The following TNKS variants were observed in gnomAD, a reference collection of about 807,000 sequenced individuals.
TNKS encodes tankyrase.
A neutral mutation model predicts 135.8 loss-of-function variants in TNKS; 72 were observed. The observed-to-expected ratio is 0.53, with a 90% CI of 0.44 to 0.64. The LOEUF (loss-of-function observed/expected upper bound fraction) is 0.64, where lower values mean the gene tolerates loss of function less well. Among genes scored for constraint, TNKS ranks in the 30% least tolerant of loss-of-function variants. The probability of loss-of-function intolerance (pLI) is 0.00; values close to 1 mark genes in which losing one functional copy is unlikely to be tolerated. For missense variants in TNKS, 1,769 were observed against 1,674.0 expected (o/e 1.06, Z -0.99); for synonymous variants, 849 against 649.3 (o/e 1.31, Z -4.68).
chr8:9,622,104 A>C (rs1242594105), intron 3 of TNKS, among the ~76,000 whole-genome samples: 1 of 152,214 alleles, frequency 6.6e-6, no homozygotes, highest in Non-Finnish European at 1.5e-5. Context: ...TGGTTGAAAG[A>C]CTTTTTTGAA....
chr8:9,627,152 C>G lies in TNKS; in HGVS notation c.994+11475C>G, dbSNP rs557481974. ...CAGAGTTTGGAGAGCTTCCAGAGAG[C>G]TGAACATGTGGAGGTTCCTGGCAGC... On this transcript the variant is annotated intron_variant, in intron 3 of 26. Transcript: ENST00000310430. 3.3e-3 allele frequency among the ~76,000 whole-genome samples: 496 copies of G among 152,296 alleles called. 1 individual carries two copies. Among genetic ancestry groups the G allele is most frequent in the Non-Finnish European group, 6.0e-3 (408 of 68,024 alleles).
At chr8:9,747,304 CTCTT>C (rs1806289359) in intron 17 of TNKS, among the ~76,000 whole-genome samples, 1 of 142,742 alleles carries the variant, frequency 7.0e-6, no homozygotes, top group African/African-American at 2.6e-5. Flanking sequence ...TTCTCTCTCT[CTCTT>C]CTGTTGTGAA....
chr8:9,557,695 C>G (rs1815384583), intron 1 of TNKS: 1 of 151,794 alleles, frequency 6.6e-6, no homozygotes, highest in Admixed American at 6.6e-5. Context: ...TTAAGTTTCT[C>G]CTATATTTCT....
chr8:9,730,832 C>A, intron 13 of TNKS, 58 bp from the exon 14 acceptor site: 1 of 1,558,742 alleles, frequency 6.4e-7, no homozygotes, highest in Non-Finnish European at 8.7e-7. Flanking sequence ...TGGGGCAAAA[C>A]CTGTGAATAA....
intron 3 of TNKS, among the ~76,000 whole-genome samples, chr8:9,640,173 G>A (rs1037371946): frequency 6.6e-6 from 1 of 152,148 alleles, no homozygotes; most frequent in Non-Finnish European, 1.5e-5. Context: ...CATAGACTGG[G>A]TGATTTATAA....
intron 3 of TNKS, among the ~76,000 whole-genome samples, chr8:9,616,125 G>A (rs1474486818): frequency 6.6e-6 from 1 of 152,010 alleles, no homozygotes; most frequent in African/African-American, 2.4e-5. Flanking sequence ...TTGCCACCCC[G>A]TTTATACTTT....
At chr8:9,721,425 G>C (rs900254135) in intron 12 of TNKS, among the ~76,000 whole-genome samples, 1 of 151,362 alleles carries the variant, frequency 6.6e-6, no homozygotes, top group African/African-American at 2.4e-5. Context: ...AAAACTAGAG[G>C]AAGTAATGCA....
At chr8:9,651,471 C>G (rs1029306130) in intron 3 of TNKS, among the ~76,000 whole-genome samples, 1 of 151,932 alleles carries the variant, frequency 6.6e-6, no homozygotes, top group Non-Finnish European at 1.5e-5. Context: ...GAGGACACAC[C>G]CAGAAGAGCT....
chr8:9,657,264 TCCCTCCCGGACGGGGCGGCTGGCCGGGC>T (rs1801428566), intron 3 of TNKS, among the ~76,000 whole-genome samples: 1 of 77,808 alleles, frequency 1.3e-5, no homozygotes, highest in Non-Finnish European at 2.8e-5. Context: ...CCCCCCCACC[TCCCTCCCGGACGGGGCGGCTGGCCGGGC>T]GGGGGGCCGA....
At chr8:9,672,066 C>T (rs1802293678) in intron 3 of TNKS, among the ~76,000 whole-genome samples, 1 of 152,222 alleles carries the variant, frequency 6.6e-6, no homozygotes, top group Non-Finnish European at 1.5e-5. Context: ...CCTGCTATTG[C>T]AGCACTTGTG....
rs761162353 is a variant in TNKS, at chr8:9,709,981, C to A, written c.1605C>A (p.Pro535=). Residue 535 remains proline, a synonymous_variant, in exon 10 of 27, where the codon CCC becomes CCA. Transcript: ENST00000310430. ...ACTGTGCTGTGGCCTCTCTGCATCC[C>A]AAACGTAAACAAGTGACAGAATTGT... The part of the protein sequence containing the change: ...ALHCAVASLH[P]KRKQVTELLL... 2 of 1,613,646 alleles carry A rather than the reference C, an allele frequency of 1.2e-6. No homozygotes were observed. The highest frequency in any genetic ancestry group is 1.7e-6 in the Non-Finnish European group (2 of 1,180,004).
chr8:9,591,238 T>G (rs190758362), intron 2 of TNKS, among the ~76,000 whole-genome samples: 219 of 152,380 alleles, frequency 1.4e-3, no homozygotes, highest in Non-Finnish European at 2.7e-3. Context: ...GTCTTTTATT[T>G]TTTCCCTAGG....
At chr8:9,691,461 G>C (rs1230512835) in intron 5 of TNKS, among the ~76,000 whole-genome samples, 2 of 152,074 alleles carry the variant, frequency 1.3e-5, no homozygotes, top group Non-Finnish European at 2.9e-5. Flanking sequence ...AGTAATTCTT[G>C]CCCCTCAGCT....
chr8:9,587,168 T>C (rs1024948505), intron 2 of TNKS, among the ~76,000 whole-genome samples: 1 of 152,068 alleles, frequency 6.6e-6, no homozygotes. Flanking sequence ...ATGGATTGTC[T>C]TGGTGGACCC....
At chr8:9,658,500 G>T in intron 3 of TNKS, 1 of 565,186 alleles carries the variant, frequency 1.8e-6, no homozygotes, top group Non-Finnish European at 2.8e-6. Flanking sequence ...CATAAGTGAA[G>T]GAGAAATAAA....
chr8:9,627,252 T>G (rs1007033228), intron 3 of TNKS, among the ~76,000 whole-genome samples: 27 of 152,220 alleles, frequency 1.8e-4, no homozygotes, highest in African/African-American at 6.5e-4. Context: ...TTATCTGTAT[T>G]CTTTATAAAT....
intron 11 of TNKS, among the ~76,000 whole-genome samples, chr8:9,717,356 A>G (rs188786176): frequency 6.6e-6 from 1 of 152,054 alleles, no homozygotes; most frequent in African/African-American, 2.4e-5. Context: ...ATAATGATGA[A>G]TACTTGTAAA....
intron 14 of TNKS, among the ~76,000 whole-genome samples, chr8:9,731,407 C>G (rs1805430307): frequency 7.6e-6 from 1 of 131,898 alleles, no homozygotes. Flanking sequence ...TTGCAGTGAG[C>G]TAAGATCTCA....
At chr8:9,584,255 T>C (rs934675829) in intron 2 of TNKS, among the ~76,000 whole-genome samples, 1 of 151,982 alleles carries the variant, frequency 6.6e-6, no homozygotes, top group Admixed American at 6.6e-5. Context: ...ATTCTTTTTC[T>C]GATTTTGGAG....
Sources: allele counts gnomAD v4.1 joint callset (sites outside exome capture counted in the v4.1 genomes callset), GRCh38; gene constraint gnomAD v4.1.1; transcripts MANE v1.5; gene names NCBI Gene and HGNC (gene_info 2026-07-23, HGNC 2026-07-21).